Variants in EPHA7 observed in about 807,000 individuals in gnomAD.
EPHA7 encodes EPH receptor A7, also known as ephrin type-A receptor 7.
A neutral mutation model predicts 112.6 loss-of-function variants in EPHA7; 25 were observed. That is an observed-to-expected ratio of 0.22 (90% CI 0.16 to 0.31). EPHA7 has a LOEUF of 0.31. Ranked by LOEUF, EPHA7 falls within the 10% of genes least tolerant of loss-of-function variation. The pLI, the probability that EPHA7 is intolerant of heterozygous loss-of-function variation, is 1.00. For missense variants in EPHA7, 962 were observed against 1,212.6 expected (o/e 0.79, Z 3.07); for synonymous variants, 437 against 406.5 (o/e 1.07, Z -0.90).
chr6:93,246,739 T>C, intron 15 of EPHA7, 53 bp downstream of exon 15: 1 of 1,476,824 alleles, frequency 6.8e-7, no homozygotes, highest in South Asian at 1.3e-5. Flanking sequence ...GATAAATGGT[T>C]TATGTTACTA....
At chr6:93,308,245 G>C (rs1773357541) in intron 5 of EPHA7, among the ~76,000 whole-genome samples, 1 of 152,100 alleles carries the variant, frequency 6.6e-6, no homozygotes, top group South Asian at 2.1e-4. Context: ...TCTTGCTCGG[G>C]ATACTAGGAT....
chr6:93,265,394 T>C (rs1386824685), intron 7 of EPHA7, among the ~76,000 whole-genome samples: 1 of 151,672 alleles, frequency 6.6e-6, no homozygotes, highest in African/African-American at 2.4e-5. Flanking sequence ...TCCTATACAA[T>C]ACTAAATAAT....
In EPHA7 at chr6:93,346,967, G is replaced by A. The variant is rs570409606; in HGVS notation, c.1324+9750C>T. On this transcript the variant is annotated intron_variant, in intron 5 of 16. Coordinates refer to ENST00000369303, the MANE Select transcript of EPHA7 (RefSeq NM_004440.4). ...ATAAACTCGCAATTGCAAAATAAAC[G>A]ATCTTCTATTAAGGGCAATGCATGT... Among the ~76,000 whole-genome samples, 27 of 151,852 alleles carry A rather than the reference G, an allele frequency of 1.8e-4. No individual in the cohort carries two copies. The South Asian group carries it at 5.6e-3, about 32-fold the overall frequency.
At chr6:93,355,088 C>G (rs1775879657) in intron 5 of EPHA7, among the ~76,000 whole-genome samples, 1 of 152,154 alleles carries the variant, frequency 6.6e-6, no homozygotes, top group Non-Finnish European at 1.5e-5. Context: ...GTGGAACTAT[C>G]TTATGACAAC....
chr6:93,328,879 A>C (rs1774453148), intron 5 of EPHA7, among the ~76,000 whole-genome samples: 2 of 151,520 alleles, frequency 1.3e-5, no homozygotes, highest in African/African-American at 4.8e-5. Context: ...AAATAGACCA[A>C]ATATGAAAAG....
intron 12 of EPHA7, among the ~76,000 whole-genome samples, chr6:93,256,878 T>A (rs906836674): frequency 2.6e-4 from 39 of 152,228 alleles, no homozygotes; most frequent in African/African-American, 8.4e-4. Flanking sequence ...AGATTATTTT[T>A]TCTTTGCCAT....
chr6:93,383,385 T>C (rs1486170838), intron 3 of EPHA7, among the ~76,000 whole-genome samples: 1 of 151,658 alleles, frequency 6.6e-6, no homozygotes, highest in African/African-American at 2.4e-5. Flanking sequence ...ACTCAATGCA[T>C]AGATTCTATC....
chr6:93,419,537 C>T lies in EPHA7; in HGVS notation c.-196G>A. On this transcript the variant is annotated 5_prime_UTR_variant, in exon 1 of 17. Coordinates refer to ENST00000369303, the MANE Select transcript of EPHA7 (RefSeq NM_004440.4). ...TGTTCGCTCGCACCGTGTTTGCTGC[C>T]TGCAAGTCTCCGACTGCAGACCGGC... The T allele has an allele frequency of 3.8e-6, 2 of 530,502 alleles. No homozygotes were observed. Among genetic ancestry groups the T allele is most frequent in the Non-Finnish European group, 6.6e-6 (2 of 303,884 alleles). 32.9% of individuals were successfully genotyped at this position (530,502 alleles called of 1,614,324 possible).
chr6:93,281,067 T>A (rs538189335), intron 5 of EPHA7, among the ~76,000 whole-genome samples: 2 of 152,174 alleles, frequency 1.3e-5, no homozygotes, highest in Non-Finnish European at 2.9e-5. Context: ...GTTAGATTTT[T>A]GAAATCACAT....
chr6:93,397,477 A>T (rs1191733111), intron 3 of EPHA7, among the ~76,000 whole-genome samples: 1 of 151,866 alleles, frequency 6.6e-6, no homozygotes. Flanking sequence ...AATTAATCTT[A>T]ATTATATGAA....
intron 3 of EPHA7, among the ~76,000 whole-genome samples, chr6:93,405,818 T>C (rs1778686453): frequency 2.7e-5 from 1 of 37,370 alleles, no homozygotes; most frequent in Admixed American, 2.3e-4. Flanking sequence ...TGTGTGTATA[T>C]ATATATATAT....
At chr6:93,297,680 C>A (rs371028274) in intron 5 of EPHA7, among the ~76,000 whole-genome samples, 1 of 152,054 alleles carries the variant, frequency 6.6e-6, no homozygotes, top group Non-Finnish European at 1.5e-5. Context: ...CTTTCTCATA[C>A]ACAACCTTGT....
At chr6:93,357,084 G>A (rs1421349892) in intron 4 of EPHA7, 32 bp from the exon 5 acceptor site, 1 of 1,495,728 alleles carries the variant, frequency 6.7e-7, no homozygotes, top group Admixed American at 2.1e-5. Flanking sequence ...AAGTAAATAA[G>A]CAAAAATAGA....
intron 1 of EPHA7, among the ~76,000 whole-genome samples, chr6:93,417,229 G>T (rs1297678844): frequency 6.6e-6 from 1 of 152,128 alleles, no homozygotes; most frequent in African/African-American, 2.4e-5. Context: ...TCTTCCTCTA[G>T]CCACCCCCAA....
chr6:93,336,551 T>C (rs536554043), intron 5 of EPHA7, among the ~76,000 whole-genome samples: 23 of 152,192 alleles, frequency 1.5e-4, no homozygotes, highest in African/African-American at 4.3e-4. Context: ...TACAGGCACG[T>C]GCCACCACGC....
At chr6:93,253,324 T>C (rs371101201) in intron 14 of EPHA7, among the ~76,000 whole-genome samples, 1 of 152,104 alleles carries the variant, frequency 6.6e-6, no homozygotes, top group South Asian at 2.1e-4. Flanking sequence ...TTTTATGTCA[T>C]CATCCAATTC....
At chr6:93,293,872 TG>T (rs1772515006) in intron 5 of EPHA7, among the ~76,000 whole-genome samples, 1 of 152,214 alleles carries the variant, frequency 6.6e-6, no homozygotes, top group Non-Finnish European at 1.5e-5. Flanking sequence ...AATAGTAAAA[TG>T]TTTGCAACGT....
intron 3 of EPHA7, among the ~76,000 whole-genome samples, chr6:93,396,045 G>C (rs1440557320): frequency 2.0e-5 from 3 of 151,772 alleles, no homozygotes; most frequent in Non-Finnish European, 4.4e-5. Flanking sequence ...TTGTGTCTCT[G>C]CTGTCTATTG....
intron 5 of EPHA7, among the ~76,000 whole-genome samples, chr6:93,322,475 C>T (rs1016825687): frequency 1.3e-4 from 20 of 151,464 alleles, no homozygotes; most frequent in African/African-American, 4.1e-4. Flanking sequence ...TAGAGGGGTG[C>T]TTTTCTGATA....
Sources: allele counts gnomAD v4.1 joint callset (sites outside exome capture counted in the v4.1 genomes callset), GRCh38; gene constraint gnomAD v4.1.1; transcripts MANE v1.5; gene names NCBI Gene and HGNC (gene_info 2026-07-23, HGNC 2026-07-21).